PCDH15: variants seen among roughly 807,000 people sequenced by gnomAD.
The protein encoded by PCDH15 is protocadherin-15.
PCDH15 carries 129 observed loss-of-function variants against 178.5 expected under a neutral mutation model. The ratio of observed to expected loss-of-function variants is 0.72; its 90% CI spans 0.63 to 0.84. The LOEUF (loss-of-function observed/expected upper bound fraction) is 0.84, where lower values mean the gene tolerates loss of function less well. Ranked by LOEUF, PCDH15 falls within the 40% of genes least tolerant of loss-of-function variation. The pLI is 0.00. For missense variants in PCDH15, 2,230 were observed against 2,099.9 expected (o/e 1.06, Z -1.21); for synonymous variants, 800 against 732.0 (o/e 1.09, Z -1.50).
At chr10:54,566,149 T>C (rs2089000558) in intron 2 of PCDH15, among the ~76,000 whole-genome samples, 1 of 152,114 alleles carries the variant, frequency 6.6e-6, no homozygotes, top group Non-Finnish European at 1.5e-5. Context: ...GACTATTCAA[T>C]TTGTGGTATA....
chr10:55,602,869 C>T (rs183011608), intron 2 of PCDH15, among the ~76,000 whole-genome samples: 32 of 152,242 alleles, frequency 2.1e-4, no homozygotes, highest in African/African-American at 6.0e-4. Flanking sequence ...TCACCAGCAA[C>T]GGAACAAAGC....
rs536309283 is a variant in PCDH15, at chr10:55,424,392, C to T, written c.-156+203233G>A. On this transcript the variant is annotated intron_variant, in intron 2 of 5. Transcript: ENST00000613346. Reference sequence around the variant, plus strand: ...GGATGTTGGCAAATGGCTAGTAGTGCCCTTAGACCTGAGAAAGGCTGCTTC... The same window carrying T: ...GGATGTTGGCAAATGGCTAGTAGTGTCCTTAGACCTGAGAAAGGCTGCTTC... 3.2e-4 allele frequency among the ~76,000 whole-genome samples: 48 copies of T among 152,200 alleles called. No individual in the cohort carries two copies. The Middle Eastern group carries it at 0.01, about 32-fold the overall frequency.
intron 1 of PCDH15, among the ~76,000 whole-genome samples, chr10:55,221,871 TA>T (rs1397405457): frequency 2.3e-4 from 35 of 151,674 alleles, no homozygotes; most frequent in East Asian, 5.8e-4. Flanking sequence ...TTTTTATCAT[TA>T]TTTTTTTTTT....
chr10:54,438,363 A>G (rs1244228625), intron 3 of PCDH15, among the ~76,000 whole-genome samples: 1 of 145,994 alleles, frequency 6.8e-6, no homozygotes, highest in Non-Finnish European at 1.5e-5. Context: ...GTGAATTTGT[A>G]AGTTCTTTGT....
chr10:55,076,986 C>A (rs1564776580), intron 2 of PCDH15, among the ~76,000 whole-genome samples: 1 of 151,466 alleles, frequency 6.6e-6, no homozygotes, highest in African/African-American at 2.4e-5. Context: ...TCAGGCTGGT[C>A]TCAAATTCCT....
Position 54,605,765 on chromosome 10 carries a change from T to C in PCDH15, c.91+58407A>G, listed in dbSNP as rs371230817. The C allele has an allele frequency of 4.1e-4, 62 of 152,294 alleles. 1 individual carries two copies. Among genetic ancestry groups the C allele is most frequent in the African/African-American group, 1.5e-3 (61 of 41,588 alleles). 9.4% of individuals were successfully genotyped at this position (152,294 alleles called of 1,614,324 possible). On this transcript the variant is annotated intron_variant, in intron 2 of 37. Coordinates refer to ENST00000644397, the MANE Select transcript of PCDH15 (RefSeq NM_001384140.1). ...AGAACTATGGCAAATGTTTGCAAGC[T>C]CATTCAAACCACAGACTTTTTCAAA...
chr10:54,593,953 C>T (rs2092047058), intron 2 of PCDH15, among the ~76,000 whole-genome samples: 1 of 151,592 alleles, frequency 6.6e-6, no homozygotes, highest in Admixed American at 6.6e-5. Flanking sequence ...GGGTGTACCC[C>T]TAGTAAATCT....
intron 37 of PCDH15, 33 bp downstream of exon 37, chr10:53,810,523 T>TATTA: frequency 6.3e-7 from 1 of 1,581,500 alleles, no homozygotes; most frequent in Non-Finnish European, 8.7e-7. Flanking sequence ...TTTCTTGGAA[T>TATTA]ATTATCTTAC....
rs533197210 is a variant in PCDH15, at chr10:54,730,762, A to T, written c.-28-66472T>A. On this transcript the variant is annotated intron_variant, in intron 1 of 37. Coordinates refer to ENST00000644397, the MANE Select transcript of PCDH15 (RefSeq NM_001384140.1). ...TCACCATATACAAAAATCAAATAAA[A>T]ATAAAGACTTAAATTTAAACCTGAA... Among the ~76,000 whole-genome samples, 607 of 151,618 alleles carry T rather than the reference A, an allele frequency of 4.0e-3. 5 individuals carry two copies. Among genetic ancestry groups the T allele is most frequent in the Middle Eastern group, 0.014 (4 of 294 alleles).
chr10:54,891,403 C>A (rs1954459771), intron 3 of PCDH15, among the ~76,000 whole-genome samples: 1 of 152,090 alleles, frequency 6.6e-6, no homozygotes, highest in Non-Finnish European at 1.5e-5. Context: ...GGATTCAGAT[C>A]TAGCGATCTC....
At chr10:55,229,074 T>C (rs1297694801) in intron 1 of PCDH15, among the ~76,000 whole-genome samples, 1 of 151,946 alleles carries the variant, frequency 6.6e-6, no homozygotes, top group Non-Finnish European at 1.5e-5. Context: ...AGACTTGATA[T>C]AATGAGGTAA....
chr10:54,876,088 A>T (rs1379138343), intron 3 of PCDH15, among the ~76,000 whole-genome samples: 1 of 152,104 alleles, frequency 6.6e-6, no homozygotes. Flanking sequence ...GCCAGTGTTC[A>T]CTTACCATTC....
intron 1 of PCDH15, among the ~76,000 whole-genome samples, chr10:54,683,113 C>T (rs1239352532): frequency 2.0e-5 from 3 of 152,038 alleles, no homozygotes; most frequent in Non-Finnish European, 4.4e-5. Context: ...TCATATTAGG[C>T]TTTGCTATTG....
intron 6 of PCDH15, among the ~76,000 whole-genome samples, chr10:54,333,042 C>G (rs1940187745): frequency 1.3e-5 from 2 of 152,102 alleles, no homozygotes; most frequent in South Asian, 4.1e-4. Flanking sequence ...CTCCTGGGTT[C>G]AAGCGATTCT....
At chr10:54,768,507 A>C (rs1948753483) in intron 1 of PCDH15, among the ~76,000 whole-genome samples, 1 of 152,150 alleles carries the variant, frequency 6.6e-6, no homozygotes, top group Non-Finnish European at 1.5e-5. Flanking sequence ...TATGTAGTTC[A>C]TATTCTCAGG....
intron 3 of PCDH15, among the ~76,000 whole-genome samples, chr10:54,876,720 A>G (rs1260745999): frequency 2.0e-5 from 3 of 152,190 alleles, no homozygotes; most frequent in Admixed American, 2.0e-4. Flanking sequence ...ATCTTATATA[A>G]AACTTGAACA....
intron 2 of PCDH15, among the ~76,000 whole-genome samples, chr10:54,997,293 G>T (rs896303751): frequency 2.0e-5 from 3 of 152,086 alleles, no homozygotes; most frequent in African/African-American, 7.2e-5. Context: ...GGATCTTTGT[G>T]TGTGTATATA....
At chr10:55,521,898 A>G (rs1297748110) in intron 2 of PCDH15, among the ~76,000 whole-genome samples, 5 of 151,844 alleles carry the variant, frequency 3.3e-5, no homozygotes, top group African/African-American at 1.2e-4. Flanking sequence ...CATTGCTACT[A>G]CCCAGCATCA....
intron 2 of PCDH15, among the ~76,000 whole-genome samples, chr10:55,620,466 T>A (rs1175028070): frequency 6.6e-6 from 1 of 152,108 alleles, no homozygotes; most frequent in Non-Finnish European, 1.5e-5. Context: ...ACTCTTTTTT[T>A]AGTTAATACA....
Sources: allele counts gnomAD v4.1 joint callset (sites outside exome capture counted in the v4.1 genomes callset), GRCh38; gene constraint gnomAD v4.1.1; transcripts MANE v1.5; gene names NCBI Gene and HGNC (gene_info 2026-07-23, HGNC 2026-07-21).